UGT1A7: variants seen among roughly 807,000 people sequenced by gnomAD.
UGT1A7 encodes the protein UDP glucuronosyltransferase family 1 member A7.
Under a neutral mutation model 45.6 loss-of-function variants are expected in UGT1A7, and 33 were observed. The ratio of observed to expected loss-of-function variants is 0.72; its 90% CI spans 0.55 to 0.97. The LOEUF is 0.97. UGT1A7 is among the 50% of genes least tolerant of loss of function. The probability of loss-of-function intolerance (pLI) is 0.00; values close to 1 mark genes in which losing one functional copy is unlikely to be tolerated. For synonymous variants in UGT1A7, 274 were observed against 250.6 expected (o/e 1.09, Z -0.88); for missense variants, 684 against 666.2 (o/e 1.03, Z -0.29).
In UGT1A7 at chr2:233,682,708, T is replaced by C. The variant is rs766002261; in HGVS notation, c.771T>C (p.Phe257=). 15 of 1,613,796 alleles carry C rather than the reference T, an allele frequency of 9.3e-6. No homozygotes were observed. The highest frequency in any genetic ancestry group is 8.3e-5 in the Admixed American group (5 of 59,996). Reference sequence around the variant, plus strand: ...CAATTTGGTTGTTGCGAACTGACTTTGTTTTGGAGTATCCCAAACCCGTGA... The same window carrying C: ...CAATTTGGTTGTTGCGAACTGACTTCGTTTTGGAGTATCCCAAACCCGTGA... ...HTSIWLLRTD[F]VLEYPKPVMP... is the part of the protein sequence containing the mutation. The change falls in exon 1 of 5, where the codon TTT becomes TTC. Residue 257 remains phenylalanine, a synonymous_variant. Coordinates refer to ENST00000373426, the MANE Select transcript of UGT1A7 (RefSeq NM_019077.3).
intron 1 of UGT1A7, chr2:233,691,672 T>C (rs927700420): frequency 1.0e-6 from 1 of 973,966 alleles, no homozygotes; most frequent in Non-Finnish European, 1.2e-6. Flanking sequence ...TGGGCCTCAG[T>C]TGAGAAACCT....
chr2:233,714,426 AAC>A (rs1430757538), intron 1 of UGT1A7, among the ~76,000 whole-genome samples: 5 of 152,176 alleles, frequency 3.3e-5, no homozygotes, highest in Non-Finnish European at 5.9e-5. Flanking sequence ...CAGAGAATGA[AAC>A]ACAGAGTTCA....
At chr2:233,730,753 G>T (rs115158591) in intron 1 of UGT1A7, among the ~76,000 whole-genome samples, 5 of 152,244 alleles carry the variant, frequency 3.3e-5, no homozygotes, top group African/African-American at 1.2e-4. Flanking sequence ...GAGGAGATAA[G>T]ACTGTGAATC....
At chr2:233,746,512 G>C (rs992094720) in intron 1 of UGT1A7, among the ~76,000 whole-genome samples, 1 of 151,736 alleles carries the variant, frequency 6.6e-6, no homozygotes, top group Non-Finnish European at 1.5e-5. Context: ...AGCCCCCAAA[G>C]CAAGACCATC....
rs749289002 is a variant in UGT1A7 at position 233,695,367 on chromosome 2, G to A, written c.855+12575G>A. On this transcript the variant is annotated intron_variant, in intron 1 of 4. Coordinates refer to ENST00000373426, the MANE Select transcript of UGT1A7 (RefSeq NM_019077.3). ...TCTCAATCTCTTGACCTCGTGGTCC[G>A]CCCACCCCAGCCTCCCAAAGTGCTG... Among the ~76,000 whole-genome samples the A allele has an allele frequency of 5.3e-5, 8 of 151,428 alleles. No individual in the cohort carries two copies. In the South Asian group the frequency reaches 1.2e-3, roughly 24 times the overall value.
At chr2:233,723,181 A>C (rs2077065915) in intron 1 of UGT1A7, among the ~76,000 whole-genome samples, 2 of 132,766 alleles carry the variant, frequency 1.5e-5, no homozygotes, top group African/African-American at 6.0e-5. Flanking sequence ...AAACCATAGA[A>C]GGGTCCATGT....
At chr2:233,737,020 G>A (rs2078835336) in intron 1 of UGT1A7, among the ~76,000 whole-genome samples, 1 of 152,228 alleles carries the variant, frequency 6.6e-6, no homozygotes, top group African/African-American at 2.4e-5. Context: ...GAGGCAGTCT[G>A]TCCATTCTCA....
intron 1 of UGT1A7, among the ~76,000 whole-genome samples, chr2:233,728,087 A>G (rs1166849113): frequency 6.6e-6 from 1 of 152,214 alleles, no homozygotes; most frequent in Non-Finnish European, 1.5e-5. Context: ...TCTCTCCTTT[A>G]GAAAGGCACA....
intron 1 of UGT1A7, among the ~76,000 whole-genome samples, chr2:233,748,636 A>G (rs1201080065): frequency 6.6e-6 from 1 of 151,796 alleles, no homozygotes; most frequent in African/African-American, 2.4e-5. Flanking sequence ...CTGTGATTAT[A>G]GAATTACACA....
chr2:233,721,906 A>G (rs994798913), intron 1 of UGT1A7: 14 of 450,550 alleles, frequency 3.1e-5, no homozygotes, highest in African/African-American at 2.6e-4. Context: ...GAAATGGTGC[A>G]CACTGCTTCC....
chr2:233,700,940 A>G (rs972837760), intron 1 of UGT1A7, among the ~76,000 whole-genome samples: 3 of 151,922 alleles, frequency 2.0e-5, no homozygotes, highest in Non-Finnish European at 4.4e-5. Flanking sequence ...TGATTGTTCA[A>G]TTCCCACCTA....
intron 1 of UGT1A7, among the ~76,000 whole-genome samples, chr2:233,723,516 C>CTT (rs1162916866): frequency 0.011 from 946 of 85,272 alleles, 28 homozygotes; most frequent in African/African-American, 0.04. Context: ...GGTCAACAAT[C>CTT]TTTTTTTTTT....
intron 1 of UGT1A7, among the ~76,000 whole-genome samples, chr2:233,725,079 C>G (rs370992455): frequency 6.2e-5 from 9 of 144,294 alleles, no homozygotes; most frequent in East Asian, 2.1e-4. Flanking sequence ...CGCAGGCACT[C>G]GGCAGGCTGA....
chr2:233,701,794 A>G (rs2075651976), intron 1 of UGT1A7, among the ~76,000 whole-genome samples: 1 of 152,218 alleles, frequency 6.6e-6, no homozygotes, highest in South Asian at 2.1e-4. Context: ...CTTTGAAATC[A>G]ACGAGAACAA....
intron 1 of UGT1A7, among the ~76,000 whole-genome samples, chr2:233,730,402 A>G (rs1395963298): frequency 2.6e-5 from 4 of 152,200 alleles, no homozygotes; most frequent in Non-Finnish European, 1.5e-5. Flanking sequence ...AGTAAATTAC[A>G]ATTGTTGACA....
intron 4 of UGT1A7, among the ~76,000 whole-genome samples, chr2:233,768,959 C>T (rs1259546166): frequency 6.6e-6 from 1 of 152,056 alleles, no homozygotes; most frequent in African/African-American, 2.4e-5. Flanking sequence ...TATAATTTAT[C>T]ATATAATTTA....
At chr2:233,746,657 G>T (rs4663333) in intron 1 of UGT1A7, among the ~76,000 whole-genome samples, 82,861 of 151,208 alleles carry the variant, frequency 0.55, 24,907 homozygotes, top group African/African-American at 0.8. Flanking sequence ...TTTCTGTCCC[G>T]AGTTCCTAGC....
At chr2:233,706,059 C>CA (rs1405552765) in intron 1 of UGT1A7, among the ~76,000 whole-genome samples, 1 of 152,160 alleles carries the variant, frequency 6.6e-6, no homozygotes, top group Admixed American at 6.5e-5. Flanking sequence ...CACGCCACTG[C>CA]ATGCCAGCCT....
rs561823899 is a variant in UGT1A7 at position 233,704,839 on chromosome 2, G to A, written c.855+22047G>A. ...CTTTTTAGGATTGCTTTTAAAATCA[G>A]TTAAGAGAATAGGGCCGGGCACGGT... On this transcript the variant is annotated intron_variant, in intron 1 of 4. Transcript: ENST00000373426. Among the ~76,000 whole-genome samples, 3 of 152,072 alleles carry A rather than the reference G, an allele frequency of 2.0e-5. No homozygotes were observed. In the South Asian group the frequency reaches 6.2e-4, roughly 32 times the overall value.
Sources: gnomAD v4.1 joint callset for allele counts (sites outside exome capture counted in the v4.1 genomes callset) on GRCh38, gnomAD v4.1.1 for gene constraint, MANE v1.5 for transcripts, NCBI Gene and HGNC (gene_info 2026-07-23, HGNC 2026-07-21) for gene names.